TUSC3: variants seen among roughly 807,000 people sequenced by gnomAD.
TUSC3 encodes tumor suppressor candidate 3, also known as dolichyl-diphosphooligosaccharide--protein glycosyltransferase subunit TUSC3.
In TUSC3, 45 loss-of-function variants were observed where a neutral mutation model predicts 44.8. That is an observed-to-expected ratio of 1.00 (90% confidence interval 0.79 to 1.29). TUSC3 has a LOEUF of 1.29. Ranked by LOEUF, TUSC3 falls within the 50% of genes most tolerant of loss-of-function variation. The pLI is 0.00. For missense variants in TUSC3, 519 were observed against 437.9 expected, an observed-to-expected ratio of 1.19 and a Z score of -1.65; for synonymous variants, 212 against 152.9, an observed-to-expected ratio of 1.39 and a Z score of -2.85.
At chr8:15,480,218 G>A (rs571475249) in intron 1 of TUSC3, among the ~76,000 whole-genome samples, 23 of 152,228 alleles carry the variant, frequency 1.5e-4, no homozygotes, top group African/African-American at 5.5e-4. Context: ...CATGCTCAAG[G>A]ATAGGAAGAA....
At chr8:15,738,575 A>G (rs1379930056) in intron 7 of TUSC3, among the ~76,000 whole-genome samples, 1 of 152,108 alleles carries the variant, frequency 6.6e-6, no homozygotes, top group Non-Finnish European at 1.5e-5. Context: ...TAGCTGGAAA[A>G]TACGTGTGAC....
At chr8:15,785,907 G>T in the TUSC3 span, among the ~76,000 whole-genome samples, 5 of 151,596 alleles carry the variant, frequency 3.3e-5, no homozygotes, top group Middle Eastern at 6.8e-3. Context: ...CCAATTGCTT[G>T]TTTGAAAAAA....
At chr8:15,718,957 T>C (rs1223381836) in intron 6 of TUSC3, among the ~76,000 whole-genome samples, 2 of 152,048 alleles carry the variant, frequency 1.3e-5, no homozygotes, top group Non-Finnish European at 2.9e-5. Context: ...TTTTTTCCTT[T>C]AAAATATATT....
At chr8:15,846,403 A>G in the TUSC3 span, among the ~76,000 whole-genome samples, 2 of 152,184 alleles carry the variant, frequency 1.3e-5, no homozygotes, top group African/African-American at 4.8e-5. Flanking sequence ...TCATTCTACT[A>G]TAAAGACACA....
intron 1 of TUSC3, among the ~76,000 whole-genome samples, chr8:15,617,583 T>G (rs1260323090): frequency 6.6e-6 from 1 of 152,304 alleles, no homozygotes; most frequent in African/African-American, 2.4e-5. Context: ...ATTTACTTAC[T>G]TGTTCAACTA....
chr8:15,446,635 G>A (rs1469041916), intron 1 of TUSC3, among the ~76,000 whole-genome samples: 2 of 151,450 alleles, frequency 1.3e-5, no homozygotes, highest in Admixed American at 6.6e-5. Context: ...GCTGAGGCAG[G>A]AGAATCAGGC....
At chr8:15,828,034 G>A in the TUSC3 span, among the ~76,000 whole-genome samples, 1 of 130,910 alleles carries the variant, frequency 7.6e-6, no homozygotes, top group Non-Finnish European at 1.6e-5. Flanking sequence ...CACACTTGTT[G>A]CCCAGGCTGG....
the TUSC3 span, among the ~76,000 whole-genome samples, chr8:15,802,514 C>A: frequency 6.6e-6 from 1 of 152,090 alleles, no homozygotes; most frequent in Admixed American, 6.5e-5. Flanking sequence ...CTCTGCCTCC[C>A]GGGTTCAAGT....
At chr8:15,613,484 A>G (rs991758583) in intron 1 of TUSC3, among the ~76,000 whole-genome samples, 1 of 152,140 alleles carries the variant, frequency 6.6e-6, no homozygotes, top group Non-Finnish European at 1.5e-5. Context: ...TACAAACATC[A>G]AGTCTCATGA....
chr8:15,491,306 C>T (rs1054340458), intron 2 of TUSC3, among the ~76,000 whole-genome samples: 1 of 152,050 alleles, frequency 6.6e-6, no homozygotes, highest in Non-Finnish European at 1.5e-5. Context: ...TCTTGGGGCC[C>T]ACAAGGAATT....
chr8:15,737,745 T>C (rs1301264836), intron 7 of TUSC3, among the ~76,000 whole-genome samples: 1 of 152,130 alleles, frequency 6.6e-6, no homozygotes, highest in Non-Finnish European at 1.5e-5. Context: ...TGGTCAGACG[T>C]AGAATCTTTT....
intron 1 of TUSC3, among the ~76,000 whole-genome samples, chr8:15,454,176 G>A (rs1289815649): frequency 6.6e-6 from 1 of 152,150 alleles, no homozygotes; most frequent in African/African-American, 2.4e-5. Context: ...AAGCATGACA[G>A]CATATAAAAT....
chr8:15,540,222 C>T, upstream of TUSC3: 2 of 663,000 alleles, frequency 3.0e-6, no homozygotes, highest in East Asian at 3.5e-5. Context: ...CCCCATCCCG[C>T]GCCTTTCCAG....
At chr8:15,651,291 A>G (rs1018664080) in intron 3 of TUSC3, among the ~76,000 whole-genome samples, 2 of 152,212 alleles carry the variant, frequency 1.3e-5, no homozygotes, top group African/African-American at 4.8e-5. Flanking sequence ...GACATTTTAT[A>G]TAAAATTTAT....
the TUSC3 span, among the ~76,000 whole-genome samples, chr8:15,780,565 A>C: frequency 6.6e-6 from 1 of 152,238 alleles, no homozygotes; most frequent in South Asian, 2.1e-4. Flanking sequence ...ACTTGCCAGC[A>C]TACTCTGCCG....
chr8:15,465,084 GT>G (rs1307923123), intron 1 of TUSC3, among the ~76,000 whole-genome samples: 1 of 152,090 alleles, frequency 6.6e-6, no homozygotes, highest in Non-Finnish European at 1.5e-5. Flanking sequence ...TCCTGACCTC[GT>G]GATCCACCTG....
At chr8:15,697,820 T>A (rs1156941536) in intron 6 of TUSC3, among the ~76,000 whole-genome samples, 1 of 152,246 alleles carries the variant, frequency 6.6e-6, no homozygotes, top group Non-Finnish European at 1.5e-5. Context: ...ATTTACGTAG[T>A]AACTAGCAGA....
chr8:15,836,417 C>A, the TUSC3 span, among the ~76,000 whole-genome samples: 1 of 149,368 alleles, frequency 6.7e-6, no homozygotes, highest in East Asian at 2.0e-4. Context: ...GTGGAGGTTG[C>A]AGTGAGCTGG....
At chr8:15,458,673 A>G (rs1293788824) in intron 1 of TUSC3, among the ~76,000 whole-genome samples, 1 of 152,220 alleles carries the variant, frequency 6.6e-6, no homozygotes, top group African/African-American at 2.4e-5. Context: ...CAATTTTAAA[A>G]GTTCGAGTGC....
Sources: allele counts gnomAD v4.1 joint callset (sites outside exome capture counted in the v4.1 genomes callset), GRCh38; gene constraint gnomAD v4.1.1; transcripts MANE v1.5; gene names NCBI Gene and HGNC (gene_info 2026-07-23, HGNC 2026-07-21).